Variants in PKHD1L1 observed in about 807,000 individuals in gnomAD.
The protein encoded by PKHD1L1 is PKHD1 like 1.
PKHD1L1 carries 434 observed loss-of-function variants against 462.9 expected under a neutral mutation model. The ratio of observed to expected loss-of-function variants is 0.94; its 90% CI spans 0.87 to 1.02. The LOEUF (loss-of-function observed/expected upper bound fraction) is 1.02, where lower values mean the gene tolerates loss of function less well. PKHD1L1 is among the 50% of genes least tolerant of loss of function. The pLI is 0.00. For missense variants in PKHD1L1, 5,202 were observed against 5,096.1 expected (o/e 1.02, Z -0.63); for synonymous variants, 1,781 against 1,750.0 (o/e 1.02, Z -0.44).
At chr8:109,427,413 A>C (rs533859303) in intron 25 of PKHD1L1, among the ~76,000 whole-genome samples, 1 of 152,284 alleles carries the variant, frequency 6.6e-6, no homozygotes, top group African/African-American at 2.4e-5. Flanking sequence ...GTGTGTTAGA[A>C]TCCCCTTGAC....
chr8:109,456,024 A>T (rs1027332048), intron 45 of PKHD1L1, among the ~76,000 whole-genome samples: 1 of 152,168 alleles, frequency 6.6e-6, no homozygotes, highest in African/African-American at 2.4e-5. Context: ...AGGGTATATC[A>T]TTGCAGAAGA....
At chr8:109,438,160 A>G (rs911176749) in intron 30 of PKHD1L1, among the ~76,000 whole-genome samples, 164 bp from the exon 31 acceptor site, 4 of 152,162 alleles carry the variant, frequency 2.6e-5, no homozygotes, top group African/African-American at 4.8e-5. Flanking sequence ...CATGTAACCT[A>G]TATTTGACAC....
rs1198756879 is a variant in PKHD1L1, at chr8:109,413,531, T to C, written c.2346T>C (p.Phe782=). The C allele has an allele frequency of 2.0e-6, 3 of 1,534,102 alleles. No individual in the cohort carries two copies. The highest frequency in any genetic ancestry group is 1.3e-5 in the South Asian group (1 of 75,970). The change falls in exon 21 of 78, where the codon TTT becomes TTC. Residue 782 remains phenylalanine, a synonymous_variant. Transcript: ENST00000378402. Reference sequence around the variant, plus strand: ...CTGATACACAGTTTACATACAACTTTGCTTATGGAAACAAGTAAGTTACGC... The same window carrying C: ...CTGATACACAGTTTACATACAACTTCGCTTATGGAAACAAGTAAGTTACGC... ...RSTDTQFTYN[F]AYGNNWTYTC...
intron 71 of PKHD1L1, among the ~76,000 whole-genome samples, chr8:109,514,122 T>C (rs1407659319): frequency 6.6e-6 from 1 of 152,138 alleles, no homozygotes; most frequent in Non-Finnish European, 1.5e-5. Context: ...AGCTCCTTGC[T>C]GTTCCTACGG....
intron 76 of PKHD1L1, among the ~76,000 whole-genome samples, chr8:109,524,258 C>G (rs1820707244): frequency 1.3e-5 from 2 of 152,136 alleles, no homozygotes; most frequent in Admixed American, 6.6e-5. Flanking sequence ...CCCCTCTCCC[C>G]AGTTTTTTCC....
intron 77 of PKHD1L1, among the ~76,000 whole-genome samples, chr8:109,529,716 A>T (rs1820981477): frequency 6.6e-6 from 1 of 152,134 alleles, no homozygotes. Flanking sequence ...TTCAATTAGA[A>T]TATAAGAAAT....
At chr8:109,459,263 G>C (rs113265521) in intron 46 of PKHD1L1, among the ~76,000 whole-genome samples, 1 of 151,924 alleles carries the variant, frequency 6.6e-6, no homozygotes, top group Admixed American at 6.6e-5. Context: ...ATGTCCCCTG[G>C]GAGGAATAAA....
At chr8:109,500,094 G>A (rs1819325541) in intron 67 of PKHD1L1, among the ~76,000 whole-genome samples, 1 of 152,160 alleles carries the variant, frequency 6.6e-6, no homozygotes, top group Non-Finnish European at 1.5e-5. Context: ...GTACCAGCCT[G>A]TATCCACTTT....
intron 2 of PKHD1L1, 26 bp downstream of exon 2, chr8:109,364,662 TTTGCCAAGGTTGAGGTA>T: frequency 7.2e-7 from 1 of 1,382,474 alleles, no homozygotes; most frequent in Non-Finnish European, 9.8e-7. Flanking sequence ...TTTTTTTTTT[TTTGCCAAGGTTGAGGTA>T]TTTTCAAGCC....
At chr8:109,399,269 AC>A (rs1216512458) in intron 12 of PKHD1L1, among the ~76,000 whole-genome samples, 1 of 152,172 alleles carries the variant, frequency 6.6e-6, no homozygotes, top group Admixed American at 6.6e-5. Flanking sequence ...TGTGTATATC[AC>A]TAGACACTGC....
intron 23 of PKHD1L1, among the ~76,000 whole-genome samples, chr8:109,423,171 T>A (rs1053634998): frequency 6.6e-5 from 10 of 152,088 alleles, no homozygotes; most frequent in African/African-American, 1.9e-4. Context: ...CTTTTTTTTT[T>A]CTTTTTTGAA....
Position 109,452,185 on chromosome 8 carries a change from AACAAGAC to A in PKHD1L1, c.6416_6422del (p.Lys2139ThrfsTer5). On this transcript the variant is annotated frameshift_variant, in exon 42 of 78. Transcript: ENST00000378402. LOFTEE classifies it high-confidence loss of function. ...AGCCAAATGTGATGTTGAGTATTCCAACAAGACACACATCATCTGCATGACAGATGCC... is the reference window on the plus strand; with the variant it reads ...AGCCAAATGTGATGTTGAGTATTCCAACACATCATCTGCATGACAGATGCC... The A allele has an allele frequency of 6.2e-7, 1 of 1,613,582 alleles. No homozygotes were observed. The highest frequency in any genetic ancestry group is 1.7e-5 in the Admixed American group (1 of 59,978).
At chr8:109,409,002 G>A (rs955407510) in intron 18 of PKHD1L1, among the ~76,000 whole-genome samples, 2 of 152,138 alleles carry the variant, frequency 1.3e-5, no homozygotes, top group African/African-American at 4.8e-5. Context: ...CATAAAGAAA[G>A]AATGCTTGTG....
At chr8:109,471,860 A>G (rs1369293598) in intron 50 of PKHD1L1, among the ~76,000 whole-genome samples, 1 of 152,154 alleles carries the variant, frequency 6.6e-6, no homozygotes, top group Non-Finnish European at 1.5e-5. Flanking sequence ...TTATTTGCAA[A>G]TACACTTTTT....
intron 50 of PKHD1L1, among the ~76,000 whole-genome samples, chr8:109,468,898 C>A (rs748424597): frequency 1.6e-4 from 25 of 152,140 alleles, no homozygotes; most frequent in Non-Finnish European, 1.3e-4. Context: ...AGGTAAGAAG[C>A]AGTGAATTTC....
intron 4 of PKHD1L1, among the ~76,000 whole-genome samples, chr8:109,383,109 T>A (rs1812214607): frequency 9.2e-6 from 1 of 109,258 alleles, no homozygotes; most frequent in Non-Finnish European, 1.8e-5. Context: ...ATATAAATAG[T>A]TATATATAAT....
intron 2 of PKHD1L1, among the ~76,000 whole-genome samples, chr8:109,380,027 G>A (rs952871390): frequency 1.3e-5 from 2 of 152,146 alleles, no homozygotes; most frequent in African/African-American, 4.8e-5. Context: ...GATTTCTCCA[G>A]GATGAACATT....
chr8:109,425,329 A>G, intron 24 of PKHD1L1, 97 bp downstream of exon 24: 12 of 770,144 alleles, frequency 1.6e-5, no homozygotes, highest in Non-Finnish European at 2.2e-5. Flanking sequence ...ATTACTACTT[A>G]TTGATACATA....
At chr8:109,486,227 G>A (rs1030746311) in intron 58 of PKHD1L1, among the ~76,000 whole-genome samples, 1 of 151,994 alleles carries the variant, frequency 6.6e-6, no homozygotes, top group African/African-American at 2.4e-5. Flanking sequence ...AGTGTTAATA[G>A]CTATGTGTTG....
Sources: gnomAD v4.1 joint callset for allele counts (sites outside exome capture counted in the v4.1 genomes callset) on GRCh38, gnomAD v4.1.1 for gene constraint, MANE v1.5 for transcripts, NCBI Gene and HGNC (gene_info 2026-07-23, HGNC 2026-07-21) for gene names.